PSMB7: variants seen among roughly 807,000 people sequenced by gnomAD.
PSMB7 encodes proteasome subunit beta type-7.
A neutral mutation model predicts 28.1 loss-of-function variants in PSMB7; 5 were observed. That is an observed-to-expected ratio of 0.18 (90% confidence interval 0.09 to 0.37). The LOEUF (loss-of-function observed/expected upper bound fraction) is 0.37, where lower values mean the gene tolerates loss of function less well. PSMB7 is among the 10% of genes least tolerant of loss of function. PSMB7 has a pLI of 1.00. For missense variants in PSMB7, 275 were observed against 346.2 expected, an observed-to-expected ratio of 0.79 and a Z score of 1.63; for synonymous variants, 122 against 123.7, an observed-to-expected ratio of 0.99 and a Z score of 0.09.
chr9:124,356,948 G>A lies in PSMB7; in HGVS notation c.571-33C>T, dbSNP rs773204040. 24 of 1,612,516 alleles carry A rather than the reference G, an allele frequency of 1.5e-5. No homozygotes were observed. Among genetic ancestry groups the A allele is most frequent in the East Asian group, 1.3e-4 (6 of 44,882 alleles). ...ACAGAACGGCGGCAATAATGTCCCC[G>A]GCCAAACTAGGGCCTGCTCTGACAT... On this transcript the variant is annotated intron_variant, in intron 6 of 7. Coordinates refer to ENST00000259457, the MANE Select transcript of PSMB7 (RefSeq NM_002799.4). This position sits in a 1 kb window ranked among gnomAD's most constrained non-coding sequence, Gnocchi z 4.4.
At chr9:124,379,010 G>A (rs531671449) in intron 6 of PSMB7, among the ~76,000 whole-genome samples, 1 of 152,212 alleles carries the variant, frequency 6.6e-6, no homozygotes, top group South Asian at 2.1e-4. Context: ...AAAAATCTGG[G>A]GGAATGCTCT....
chr9:124,356,933 G>A lies in PSMB7; in HGVS notation c.571-18C>T, dbSNP rs755649843. The A allele has an allele frequency of 5.6e-6, 9 of 1,613,620 alleles. No homozygotes were observed. Among genetic ancestry groups the A allele is most frequent in the African/African-American group, 1.3e-5 (1 of 74,898 alleles). On this transcript the variant is annotated intron_variant, in intron 6 of 7. Transcript: ENST00000259457. This position sits in a 1 kb window ranked among gnomAD's most constrained non-coding sequence, Gnocchi z 4.4. ...TCCTCCTCCTGAGAAACAGAACGGCGGCAATAATGTCCCCGGCCAAACTAG... is the reference window on the plus strand; with the variant it reads ...TCCTCCTCCTGAGAAACAGAACGGCAGCAATAATGTCCCCGGCCAAACTAG...
intron 6 of PSMB7, among the ~76,000 whole-genome samples, chr9:124,363,344 C>T (rs1830479713): frequency 1.3e-5 from 2 of 152,206 alleles, no homozygotes; most frequent in Non-Finnish European, 2.9e-5. Flanking sequence ...GGCCTGAAGA[C>T]TCATTAATGG....
chr9:124,415,325 C>G, intron 1 of PSMB7, 39 bp downstream of exon 1: 1 of 1,603,518 alleles, frequency 6.2e-7, no homozygotes, highest in East Asian at 2.2e-5. Context: ...GCACCGCACT[C>G]TTCTCCCTCC....
chr9:124,378,378 G>A (rs1220428551), intron 6 of PSMB7, among the ~76,000 whole-genome samples: 1 of 152,124 alleles, frequency 6.6e-6, no homozygotes, highest in East Asian at 1.9e-4. Context: ...ATCAGAGAGG[G>A]GGGAAAAAAG....
At chr9:124,361,751 TCTTTA>T (rs1384466548) in intron 6 of PSMB7, among the ~76,000 whole-genome samples, 1 of 152,250 alleles carries the variant, frequency 6.6e-6, no homozygotes, top group East Asian at 1.9e-4. Flanking sequence ...CTGTATTAAA[TCTTTA>T]CTTTAAACCT....
intron 2 of PSMB7, 144 bp downstream of exon 2, chr9:124,414,698 A>T (rs908351193): frequency 1.5e-6 from 1 of 682,696 alleles, no homozygotes; most frequent in Admixed American, 2.3e-5. Context: ...ACCTGACAAA[A>T]GCAGTCGCTC....
intron 4 of PSMB7, among the ~76,000 whole-genome samples, chr9:124,409,485 G>A (rs1831003972): frequency 6.6e-6 from 1 of 152,150 alleles, no homozygotes. Flanking sequence ...GGATAGGTGT[G>A]AGATAAAGGC....
rs146247206 is a variant in PSMB7 at position 124,356,323 on chromosome 9, C to G, written c.722+441G>C. ...AACTCCCTGTAGCACAGCACACACA[C>G]ACTAGCTCCCAAGGCCACCTCTGGG... On this transcript the variant is annotated intron_variant, in intron 7 of 7. Coordinates refer to ENST00000259457, the MANE Select transcript of PSMB7 (RefSeq NM_002799.4). The surrounding 1 kb of genome is among the most constrained non-coding windows in gnomAD (Gnocchi z 4.4). Among the ~76,000 whole-genome samples the G allele has an allele frequency of 1.8e-4, 28 of 152,328 alleles. No individual in the cohort carries two copies. Among genetic ancestry groups the G allele is most frequent in the Admixed American group, 2.6e-4 (4 of 15,304 alleles).
At chr9:124,393,782 G>A (rs1830814633) in intron 5 of PSMB7, among the ~76,000 whole-genome samples, 1 of 152,236 alleles carries the variant, frequency 6.6e-6, no homozygotes, top group African/African-American at 2.4e-5. Context: ...TAAAATGTGA[G>A]AGGTTTTATT....
At chr9:124,401,627 T>C (rs1159878083) in intron 5 of PSMB7, among the ~76,000 whole-genome samples, 1 of 152,224 alleles carries the variant, frequency 6.6e-6, no homozygotes, top group African/African-American at 2.4e-5. Context: ...TAGGTACATC[T>C]GTCTCCCCCA....
chr9:124,394,132 T>C (rs962360908), intron 5 of PSMB7, among the ~76,000 whole-genome samples: 4 of 152,222 alleles, frequency 2.6e-5, no homozygotes, highest in African/African-American at 4.8e-5. Context: ...TTATTTTCAT[T>C]GTATGGATGG....
At chr9:124,413,857 G>T in intron 3 of PSMB7, 51 bp downstream of exon 3, 1 of 1,312,568 alleles carries the variant, frequency 7.6e-7, no homozygotes, top group East Asian at 2.4e-5. Flanking sequence ...TCAATTTTTA[G>T]CCCTGACATG....
intron 5 of PSMB7, among the ~76,000 whole-genome samples, chr9:124,400,332 G>A (rs895103755): frequency 2.0e-5 from 3 of 152,226 alleles, no homozygotes; most frequent in Admixed American, 6.5e-5. Flanking sequence ...GGAGACAAGC[G>A]TCCTTGTATT....
chr9:124,384,995 G>A (rs1386259233), intron 5 of PSMB7, among the ~76,000 whole-genome samples: 3 of 152,226 alleles, frequency 2.0e-5, no homozygotes, highest in Non-Finnish European at 2.9e-5. Context: ...ATAATTTCCC[G>A]TGTTCTATGC....
chr9:124,382,208 T>TTC (rs1660700167), intron 6 of PSMB7, among the ~76,000 whole-genome samples: 1 of 89,890 alleles, frequency 1.1e-5, no homozygotes, highest in African/African-American at 3.7e-5. Flanking sequence ...CTCTTTTTTT[T>TTC]TTTTTTTTTT....
At chr9:124,366,094 A>AAT (rs61610895) in intron 6 of PSMB7, among the ~76,000 whole-genome samples, 137 of 129,638 alleles carry the variant, frequency 1.1e-3, no homozygotes, top group African/African-American at 3.9e-3. Flanking sequence ...AGGTAAAAAA[A>AAT]TTAAAAAAAA....
intron 6 of PSMB7, among the ~76,000 whole-genome samples, chr9:124,365,347 C>T (rs1414587298): frequency 6.6e-6 from 1 of 152,128 alleles, no homozygotes; most frequent in African/African-American, 2.4e-5. Flanking sequence ...GGAGACTGGG[C>T]AGGGTCTTGT....
chr9:124,411,643 A>G (rs1337978101), intron 4 of PSMB7, among the ~76,000 whole-genome samples: 2 of 152,252 alleles, frequency 1.3e-5, no homozygotes, highest in East Asian at 3.8e-4. Context: ...CAAGACCCAT[A>G]CAAACATAAA....
Sources: gnomAD v4.1 joint callset for allele counts (sites outside exome capture counted in the v4.1 genomes callset) on GRCh38, gnomAD v4.1.1 for gene constraint, Gnocchi (gnomAD v3.1) non-coding constraint, MANE v1.5 for transcripts, NCBI Gene and HGNC (gene_info 2026-07-23, HGNC 2026-07-21) for gene names.